Variants in CCSER2 observed in about 807,000 individuals in gnomAD.
CCSER2 encodes the protein serine-rich coiled-coil domain-containing protein 2.
A neutral mutation model predicts 92.3 loss-of-function variants in CCSER2; 46 were observed. That is an observed-to-expected ratio of 0.50 (90% CI 0.39 to 0.64). The LOEUF is 0.64. CCSER2 is among the 30% of genes least tolerant of loss of function. The probability of loss-of-function intolerance (pLI) is 0.00; values close to 1 mark genes in which losing one functional copy is unlikely to be tolerated. For missense variants in CCSER2, 1,244 were observed against 1,238.9 expected, an observed-to-expected ratio of 1.00 and a Z score of -0.06; for synonymous variants, 433 against 431.4, an observed-to-expected ratio of 1.00 and a Z score of -0.04.
chr10:84,460,197 C>G (rs1390000486), intron 6 of CCSER2, among the ~76,000 whole-genome samples: 3 of 143,538 alleles, frequency 2.1e-5, no homozygotes, highest in African/African-American at 5.1e-5. Flanking sequence ...TCAAGCAATT[C>G]TCCTGCCTTG....
chr10:84,371,742 T>C lies in CCSER2; in HGVS notation c.690T>C (p.Asn230=), dbSNP rs1213702464. ...RSQSFSHSIQ[N]SFLPPSSITR... is the part of the protein sequence containing the mutation. ...AAAGTTTTTCACATTCCATTCAGAA[T>C]TCATTCCTTCCACCTTCATCTATAA... Residue 230 remains asparagine, a synonymous_variant, in exon 2 of 10, where the codon AAT becomes AAC. Coordinates refer to ENST00000372088, the MANE Select transcript of CCSER2 (RefSeq NM_001284240.2). The C allele has an allele frequency of 1.2e-6, 2 of 1,613,540 alleles. No homozygotes were observed. Among genetic ancestry groups the C allele is most frequent in the East Asian group, 4.5e-5 (2 of 44,874 alleles).
chr10:84,367,385 T>C (rs905870860), intron 1 of CCSER2, among the ~76,000 whole-genome samples: 2 of 151,832 alleles, frequency 1.3e-5, no homozygotes, highest in Non-Finnish European at 2.9e-5. Flanking sequence ...CTCGATACTT[T>C]TTTTTTTTTG....
intron 9 of CCSER2, among the ~76,000 whole-genome samples, chr10:84,502,189 G>A (rs947546412): frequency 2.6e-5 from 4 of 151,602 alleles, no homozygotes; most frequent in African/African-American, 4.8e-5. Context: ...TTTCCAGAGG[G>A]TTTTGAAACA....
intron 1 of CCSER2, among the ~76,000 whole-genome samples, chr10:84,367,200 C>G (rs1485299854): frequency 6.6e-6 from 1 of 151,012 alleles, no homozygotes; most frequent in African/African-American, 2.5e-5. Flanking sequence ...TATATTTTTT[C>G]TTTCCCTCCA....
chr10:84,363,003 A>AT (rs762145500), intron 1 of CCSER2, among the ~76,000 whole-genome samples: 29,928 of 138,714 alleles, frequency 0.22, 3,261 homozygotes, highest in Admixed American at 0.34. Flanking sequence ...CGCCCAGCTA[A>AT]TTTTTTTTTT....
chr10:84,381,957 G>A (rs1488001022), intron 3 of CCSER2, among the ~76,000 whole-genome samples: 3 of 148,686 alleles, frequency 2.0e-5, no homozygotes, highest in African/African-American at 7.4e-5. Flanking sequence ...TCGTGGACAA[G>A]ACTTTGCACT....
intron 6 of CCSER2, among the ~76,000 whole-genome samples, chr10:84,450,235 A>G (rs1439559173): frequency 6.6e-6 from 1 of 152,228 alleles, no homozygotes; most frequent in Admixed American, 6.5e-5. Flanking sequence ...TTCGAAAACT[A>G]TAGGTTAAAA....
At chr10:84,405,114 G>A (rs1842313276) in intron 3 of CCSER2, among the ~76,000 whole-genome samples, 1 of 152,088 alleles carries the variant, frequency 6.6e-6, no homozygotes, top group Non-Finnish European at 1.5e-5. Context: ...CATTGACAAA[G>A]GGACAGTCAG....
At chr10:84,421,361 T>C (rs1439225748) in intron 4 of CCSER2, among the ~76,000 whole-genome samples, 1 of 152,204 alleles carries the variant, frequency 6.6e-6, no homozygotes, top group Non-Finnish European at 1.5e-5. Context: ...AGAGGTTTAG[T>C]TGACTTACAG....
In CCSER2 at chr10:84,500,075, A is replaced by G. The variant is rs1051480875; in HGVS notation, c.2326-13374A>G. On this transcript the variant is annotated intron_variant, in intron 9 of 9. Transcript: ENST00000372088. The stretch of plus-strand genomic sequence containing the variant: ...TTTCTATCCTGAGTGCTCTGCAGGC[A>G]TCTGCTAAAGCAGCACTCTCTGTGG... 5 of 1,429,336 alleles carry G rather than the reference A, an allele frequency of 3.5e-6. No individual in the cohort carries two copies. In the African/African-American group the frequency reaches 7.0e-5, roughly 20 times the overall value. The allele number at this position is 1,429,336 out of a possible 1,614,324, so 88.5% of individuals were successfully genotyped here.
intron 4 of CCSER2, among the ~76,000 whole-genome samples, chr10:84,422,638 C>T (rs1843207704): frequency 6.6e-6 from 1 of 152,164 alleles, no homozygotes. Flanking sequence ...AACTGGGATA[C>T]CTTGAAGTTC....
intron 9 of CCSER2, among the ~76,000 whole-genome samples, chr10:84,481,607 A>C (rs927599503): frequency 6.6e-6 from 1 of 152,264 alleles, no homozygotes; most frequent in Admixed American, 6.5e-5. Flanking sequence ...CATTTAGGGC[A>C]AGACAAAGGT....
At chr10:84,364,630 T>C (rs1271341807) in intron 1 of CCSER2, among the ~76,000 whole-genome samples, 1 of 152,210 alleles carries the variant, frequency 6.6e-6, no homozygotes, top group African/African-American at 2.4e-5. Flanking sequence ...ATGTAAGTGC[T>C]TAATAATATT....
At chr10:84,440,614 A>G (rs1336399030) in intron 6 of CCSER2, among the ~76,000 whole-genome samples, 2 of 152,148 alleles carry the variant, frequency 1.3e-5, no homozygotes, top group Non-Finnish European at 2.9e-5. Flanking sequence ...CTTTTGCCAT[A>G]ATCTGGGACT....
chr10:84,330,370 A>G (rs1399694971), intron 1 of CCSER2, among the ~76,000 whole-genome samples: 4 of 152,220 alleles, frequency 2.6e-5, no homozygotes, highest in Non-Finnish European at 5.9e-5. Context: ...CTTGCCCTTG[A>G]AGACCTTACG....
chr10:84,431,755 T>A (rs2133466008), intron 5 of CCSER2, among the ~76,000 whole-genome samples: 1 of 152,266 alleles, frequency 6.6e-6, no homozygotes, highest in South Asian at 2.1e-4. Flanking sequence ...AATTACTGAA[T>A]AATATTTTGT....
intron 4 of CCSER2, among the ~76,000 whole-genome samples, chr10:84,420,201 T>C (rs1468503131): frequency 6.6e-6 from 1 of 152,214 alleles, no homozygotes; most frequent in African/African-American, 2.4e-5. Context: ...AAATATTAGA[T>C]AAAAGTAGAA....
At chr10:84,408,195 C>T (rs1028275049) in intron 3 of CCSER2, among the ~76,000 whole-genome samples, 7 of 152,030 alleles carry the variant, frequency 4.6e-5, no homozygotes, top group Non-Finnish European at 7.4e-5. Context: ...TATGTGATTA[C>T]GTTGTCACAT....
At chr10:84,352,578 A>G (rs562267808) in intron 1 of CCSER2, among the ~76,000 whole-genome samples, 1 of 151,750 alleles carries the variant, frequency 6.6e-6, no homozygotes, top group South Asian at 2.1e-4. Context: ...TTATATTTCA[A>G]AGAGTACCTA....
Sources: allele counts gnomAD v4.1 joint callset (sites outside exome capture counted in the v4.1 genomes callset), GRCh38; gene constraint gnomAD v4.1.1; transcripts MANE v1.5; gene names NCBI Gene and HGNC (gene_info 2026-07-23, HGNC 2026-07-21).